Variants in BBX observed in about 807,000 individuals in gnomAD.
BBX encodes the protein BBX high mobility group box domain containing.
A neutral mutation model predicts 100.2 loss-of-function variants in BBX; 30 were observed. The ratio of observed to expected loss-of-function variants is 0.30; its 90% CI spans 0.22 to 0.41. The LOEUF is 0.41. Ranked by LOEUF, BBX falls within the 10% of genes least tolerant of loss-of-function variation. The pLI, the probability that BBX is intolerant of heterozygous loss-of-function variation, is 1.00. For missense variants in BBX, 1,023 were observed against 1,129.8 expected, an observed-to-expected ratio of 0.91 and a Z score of 1.35; for synonymous variants, 376 against 388.1, an observed-to-expected ratio of 0.97 and a Z score of 0.37.
At chr3:107,723,564 C>T (rs963856515) in intron 5 of BBX, among the ~76,000 whole-genome samples, 1 of 152,040 alleles carries the variant, frequency 6.6e-6, no homozygotes, top group African/African-American at 2.4e-5. Context: ...TCCTGCCTCT[C>T]CCCACCCCAC....
Position 107,629,433 on chromosome 3 carries a change from A to G in BBX, c.-83-16403A>G, listed in dbSNP as rs377454868. 2.4e-4 allele frequency among the ~76,000 whole-genome samples: 36 copies of G among 152,340 alleles called. No individual in the cohort carries two copies. In the East Asian group the frequency reaches 4.2e-3, roughly 18 times the overall value. On this transcript the variant is annotated intron_variant, in intron 2 of 17. Transcript: ENST00000325805. ...CCCTAAATTAGTACCCATTATGCAC[A>G]TGATGTTGAGCACCATTGTGGAATG...
At chr3:107,680,586 G>C (rs1272051885) in intron 3 of BBX, among the ~76,000 whole-genome samples, 1 of 152,140 alleles carries the variant, frequency 6.6e-6, no homozygotes, top group Non-Finnish European at 1.5e-5. Context: ...AGAAACCACT[G>C]AAACCACTAT....
At chr3:107,551,496 C>T (rs1371353378) in intron 2 of BBX, among the ~76,000 whole-genome samples, 4 of 152,226 alleles carry the variant, frequency 2.6e-5, no homozygotes, top group Admixed American at 6.5e-5. Flanking sequence ...ACCGTATCAG[C>T]TTTTGCTTTC....
intron 3 of BBX, among the ~76,000 whole-genome samples, chr3:107,700,962 G>A (rs2061002869): frequency 6.6e-6 from 1 of 151,730 alleles, no homozygotes; most frequent in African/African-American, 2.4e-5. Flanking sequence ...ACCCAGTAAT[G>A]GGATGGCTGG....
intron 2 of BBX, among the ~76,000 whole-genome samples, chr3:107,634,042 C>T (rs894144587): frequency 6.6e-6 from 1 of 152,224 alleles, no homozygotes. Context: ...TGTCACTTCA[C>T]ATGCTTTTCA....
intron 10 of BBX, among the ~76,000 whole-genome samples, chr3:107,765,064 A>G (rs2066271021): frequency 1.3e-5 from 2 of 152,198 alleles, no homozygotes; most frequent in Admixed American, 1.3e-4. Context: ...TTTTCCTCCA[A>G]TGATAGAATC....
intron 6 of BBX, among the ~76,000 whole-genome samples, chr3:107,732,117 A>G (rs2063354560): frequency 6.6e-6 from 1 of 152,038 alleles, no homozygotes; most frequent in African/African-American, 2.4e-5. Context: ...CAGTGTTGCG[A>G]TCTTAGCTCA....
intron 2 of BBX, among the ~76,000 whole-genome samples, chr3:107,603,402 G>A (rs1329443253): frequency 2.6e-5 from 4 of 151,662 alleles, no homozygotes; most frequent in East Asian, 1.9e-4. Flanking sequence ...TTTTTGAGAC[G>A]GAGTCTCGCT....
intron 2 of BBX, among the ~76,000 whole-genome samples, chr3:107,595,062 G>C (rs2053587473): frequency 6.6e-6 from 1 of 152,198 alleles, no homozygotes; most frequent in East Asian, 1.9e-4. Flanking sequence ...TTGCGGCAGA[G>C]TCTGTGTTTA....
At chr3:107,554,840 G>A (rs992379350) in intron 2 of BBX, among the ~76,000 whole-genome samples, 8 of 151,986 alleles carry the variant, frequency 5.3e-5, no homozygotes, top group Admixed American at 2.6e-4. Flanking sequence ...AGGCTGAGGC[G>A]GGCAGATCAC....
chr3:107,667,745 T>C (rs1329050156), intron 3 of BBX, among the ~76,000 whole-genome samples: 2 of 152,076 alleles, frequency 1.3e-5, no homozygotes, highest in African/African-American at 4.8e-5. Flanking sequence ...CATTGAGGTT[T>C]ATGTAATTAT....
chr3:107,648,426 A>G (rs188539717), intron 3 of BBX, among the ~76,000 whole-genome samples: 1 of 152,206 alleles, frequency 6.6e-6, no homozygotes, highest in African/African-American at 2.4e-5. Flanking sequence ...AGGAAATATG[A>G]TACTTAAAAT....
chr3:107,535,089 G>A (rs1182264676), intron 2 of BBX, among the ~76,000 whole-genome samples: 2 of 152,138 alleles, frequency 1.3e-5, no homozygotes, highest in African/African-American at 2.4e-5. Flanking sequence ...GTCTGAAGTC[G>A]CACAGCTGGT....
At chr3:107,697,257 C>T (rs991158959) in intron 3 of BBX, among the ~76,000 whole-genome samples, 2 of 151,766 alleles carry the variant, frequency 1.3e-5, no homozygotes, top group Non-Finnish European at 1.5e-5. Context: ...GTGTTCCTTT[C>T]GAGGAGGAGA....
chr3:107,526,354 C>G lies in BBX; in HGVS notation c.-128C>G. ...CACTATCATATGACAAAGGCTTTGC[C>G]GCAGTTCATCTTCCTCCCTGTGTAC... On this transcript the variant is annotated 5_prime_UTR_variant, in exon 2 of 18. Transcript: ENST00000325805. 1 of 398,628 alleles carries G rather than the reference C, an allele frequency of 2.5e-6. No individual in the cohort carries two copies. The highest frequency in any genetic ancestry group is 4.4e-6 in the Non-Finnish European group (1 of 226,080). 24.7% of individuals were successfully genotyped at this position (398,628 alleles called of 1,614,324 possible). A position where few individuals can be genotyped will look rare whatever the true frequency, so the allele number is the denominator to read the frequency against.
chr3:107,589,732 TACTC>T (rs1483911495), intron 2 of BBX, among the ~76,000 whole-genome samples: 3 of 152,226 alleles, frequency 2.0e-5, no homozygotes, highest in Non-Finnish European at 1.5e-5. Flanking sequence ...ACCTGACTAT[TACTC>T]AAGCACAGAA....
chr3:107,737,936 C>G (rs1390586180), intron 7 of BBX, among the ~76,000 whole-genome samples: 1 of 77,532 alleles, frequency 1.3e-5, no homozygotes, highest in African/African-American at 4.9e-5. Context: ...TGATCCTTAC[C>G]TTTTGGGCAT....
intron 2 of BBX, among the ~76,000 whole-genome samples, chr3:107,549,492 G>A (rs900940163): frequency 2.0e-5 from 3 of 152,268 alleles, no homozygotes; most frequent in Non-Finnish European, 2.9e-5. Flanking sequence ...TGCAAAGATA[G>A]CGAACAGTGT....
At chr3:107,555,808 T>A (rs2050058071) in intron 2 of BBX, among the ~76,000 whole-genome samples, 1 of 152,174 alleles carries the variant, frequency 6.6e-6, no homozygotes, top group African/African-American at 2.4e-5. Context: ...AAGTAGTAAT[T>A]TCTTAGAGTC....
Sources: allele counts gnomAD v4.1 joint callset (sites outside exome capture counted in the v4.1 genomes callset), GRCh38; gene constraint gnomAD v4.1.1; transcripts MANE v1.5; gene names NCBI Gene and HGNC (gene_info 2026-07-23, HGNC 2026-07-21).